NCAM1: variants seen among roughly 807,000 people sequenced by gnomAD.
The protein encoded by NCAM1 is antigen recognized by monoclonal antibody 5.1H11.
A neutral mutation model predicts 109.8 loss-of-function variants in NCAM1; 14 were observed. The observed-to-expected ratio is 0.13, with a 90% CI of 0.08 to 0.20. NCAM1 has a LOEUF of 0.20. Among genes scored for constraint, NCAM1 ranks in the 10% least tolerant of loss-of-function variants. The probability of loss-of-function intolerance (pLI) is 1.00; values close to 1 mark genes in which losing one functional copy is unlikely to be tolerated. For missense variants in NCAM1, 774 were observed against 1,109.9 expected, an observed-to-expected ratio of 0.70 and a Z score of 4.30; for synonymous variants, 418 against 442.9, an observed-to-expected ratio of 0.94 and a Z score of 0.70.
rs1014479573 is a variant in NCAM1 at position 112,961,857 on chromosome 11, G to T, written c.52+193G>T. ...CGCTCCCTCCAGGGCTGCGCTGCAC[G>T]GGGCTGCCTCCCCGAGCCGCCAGCG... On this transcript the variant is annotated intron_variant, in intron 1 of 19. Coordinates refer to ENST00000316851, the MANE Select transcript of NCAM1 (RefSeq NM_181351.5). Among the ~76,000 whole-genome samples the T allele has an allele frequency of 2.6e-5, 4 of 152,122 alleles. No homozygotes were observed. In the East Asian group the frequency reaches 7.8e-4, roughly 30 times the overall value.
chr11:112,972,880 G>A (rs1316719107), intron 1 of NCAM1, among the ~76,000 whole-genome samples: 1 of 152,008 alleles, frequency 6.6e-6, no homozygotes, highest in Non-Finnish European at 1.5e-5. Flanking sequence ...GCTAGTTTGG[G>A]TGACGGCCTC....
At chr11:113,256,906 G>T (rs1555122437) in intron 16 of NCAM1, among the ~76,000 whole-genome samples, 1 of 152,170 alleles carries the variant, frequency 6.6e-6, no homozygotes, top group African/African-American at 2.4e-5. Flanking sequence ...TCTTCACATA[G>T]CCCCAAGGAA....
chr11:112,988,854 T>A (rs999771410), intron 1 of NCAM1, among the ~76,000 whole-genome samples: 2 of 151,844 alleles, frequency 1.3e-5, no homozygotes, highest in South Asian at 4.2e-4. Context: ...TTCAAGTGAT[T>A]CTCATCCCTC....
intron 4 of NCAM1, among the ~76,000 whole-genome samples, 169 bp downstream of exon 4, chr11:113,205,835 T>A (rs1213562273): frequency 6.6e-6 from 1 of 152,198 alleles, no homozygotes; most frequent in African/African-American, 2.4e-5. Flanking sequence ...TATACTTAGG[T>A]ACCTGATTTT....
intron 1 of NCAM1, among the ~76,000 whole-genome samples, chr11:113,199,829 T>TGAAAAAAAAAAAAAAAAAAAAAA (rs60389510): frequency 2.6e-5 from 3 of 115,766 alleles, no homozygotes; most frequent in African/African-American, 6.8e-5. Flanking sequence ...GAAACACCCT[T>TGAAAAAAAAAAAAAAAAAAAAAA]AAAAAAAAAA....
Position 112,962,830 on chromosome 11 carries a change from G to A in NCAM1, c.52+1166G>A, listed in dbSNP as rs1367008415. Among the ~76,000 whole-genome samples, 1 of 152,104 alleles carries A rather than the reference G, an allele frequency of 6.6e-6. No homozygotes were observed. Among genetic ancestry groups the A allele is most frequent in the Admixed American group, 6.5e-5 (1 of 15,278 alleles). On this transcript the variant is annotated intron_variant, in intron 1 of 19. Coordinates refer to ENST00000316851, the MANE Select transcript of NCAM1 (RefSeq NM_181351.5). This position sits in a 1 kb window ranked among gnomAD's most constrained non-coding sequence, Gnocchi z 5.6. ...CGGGAGGGAAGGAAGAAAAGCAGGG[G>A]CCGCAGAGAGCTGGGTGGGTTGGGC...
At chr11:113,192,289 G>A (rs1036933905) in intron 1 of NCAM1, among the ~76,000 whole-genome samples, 16 of 152,182 alleles carry the variant, frequency 1.1e-4, no homozygotes, top group Non-Finnish European at 2.1e-4. Context: ...GATGGATTGT[G>A]CTTTGTTTAT....
chr11:112,987,372 C>G (rs1200936526), intron 1 of NCAM1, among the ~76,000 whole-genome samples: 1 of 152,030 alleles, frequency 6.6e-6, no homozygotes, highest in Non-Finnish European at 1.5e-5. Context: ...ATTCTGCTGC[C>G]GTTGAATGGA....
chr11:113,241,512 A>C (rs1945325195), intron 14 of NCAM1, among the ~76,000 whole-genome samples: 2 of 152,188 alleles, frequency 1.3e-5, no homozygotes, highest in African/African-American at 4.8e-5. Flanking sequence ...CATGTTTATC[A>C]TGCTCTGCTT....
At chr11:113,149,550 A>G (rs1845347616) in intron 1 of NCAM1, among the ~76,000 whole-genome samples, 2 of 152,220 alleles carry the variant, frequency 1.3e-5, no homozygotes, top group South Asian at 4.1e-4. Context: ...CAAGATTTAG[A>G]ACTGGGTGCC....
At chr11:113,094,629 T>C (rs1364401207) in intron 1 of NCAM1, among the ~76,000 whole-genome samples, 1 of 152,228 alleles carries the variant, frequency 6.6e-6, no homozygotes, top group African/African-American at 2.4e-5. Flanking sequence ...CACTTAGGGC[T>C]TGTAATTCGC....
At chr11:113,085,338 G>A (rs915343846) in intron 1 of NCAM1, among the ~76,000 whole-genome samples, 14 of 152,306 alleles carry the variant, frequency 9.2e-5, no homozygotes, top group African/African-American at 3.4e-4. Context: ...GTTATTATGA[G>A]CCTTGCTCAG....
Position 113,162,879 on chromosome 11 carries a change from A to G in NCAM1, c.53-39500A>G, listed in dbSNP as rs192195128. ...CACATATTCCGCATGGAAATTCGAA[A>G]TGGACGTTCAGTTCATTGCTTTGGC... On this transcript the variant is annotated intron_variant, in intron 1 of 19. Transcript: ENST00000316851. 2.6e-5 allele frequency among the ~76,000 whole-genome samples: 4 copies of G among 152,268 alleles called. No individual in the cohort carries two copies. In the East Asian group the frequency reaches 7.7e-4, roughly 29 times the overall value.
rs782796794 is a variant in NCAM1, at chr11:113,273,739, C to T, written c.2457-1528C>T. 4.5e-6 allele frequency: 2 copies of T among 442,890 alleles called. No homozygotes were observed. The highest frequency in any genetic ancestry group is 1.6e-5 in the South Asian group (1 of 63,086). The allele number at this position is 442,890 out of a possible 1,614,324, so 27.4% of individuals were successfully genotyped here. On this transcript the variant is annotated intron_variant, in intron 19 of 19. Coordinates refer to ENST00000316851, the MANE Select transcript of NCAM1 (RefSeq NM_181351.5). The surrounding 1 kb of genome is among the most constrained non-coding windows in gnomAD (Gnocchi z 6.0). ...GACAGCTCTGTTTCGCCTGCGCCAG[C>T]AAAGACCGAGTACGGCCTCTCTTTG...
chr11:113,237,374 A>T (rs187799374), intron 14 of NCAM1, among the ~76,000 whole-genome samples: 1 of 152,346 alleles, frequency 6.6e-6, no homozygotes, highest in East Asian at 1.9e-4. Flanking sequence ...ATTATTCAGA[A>T]ATATTGCAGC....
At position 112,964,187 on chromosome 11, in the gene NCAM1, A is replaced by G. The variant is rs73573289; in HGVS notation, c.52+2523A>G. ...TTTTGGACTCAAATGTAGCATGTCC[A>G]GGGCAGTGGTAACTGAGTTTGTGTG... On this transcript the variant is annotated intron_variant, in intron 1 of 19. Coordinates refer to ENST00000316851, the MANE Select transcript of NCAM1 (RefSeq NM_181351.5). Among the ~76,000 whole-genome samples the G allele has an allele frequency of 9.8e-3, 1,255 of 128,326 alleles. 16 individuals are homozygous for G. Among genetic ancestry groups the G allele is most frequent in the African/African-American group, 0.036 (1,186 of 32,784 alleles). 84.2% of individuals were successfully genotyped at this position (128,326 alleles called of 152,430 possible). A position where few individuals can be genotyped will look rare whatever the true frequency, so the allele number is the denominator to read the frequency against.
intron 15 of NCAM1, among the ~76,000 whole-genome samples, chr11:113,253,775 G>A (rs1296102131): frequency 3.3e-5 from 5 of 152,256 alleles, no homozygotes; most frequent in Non-Finnish European, 7.4e-5. Flanking sequence ...GGCTAGGGCA[G>A]GTAGACCATT....
chr11:112,989,994 A>G (rs1951414393), intron 1 of NCAM1, among the ~76,000 whole-genome samples: 1 of 152,110 alleles, frequency 6.6e-6, no homozygotes, highest in Admixed American at 6.6e-5. Flanking sequence ...CTTTTCTTCT[A>G]GTTTTAATGG....
intron 1 of NCAM1, among the ~76,000 whole-genome samples, chr11:113,187,541 C>CTG (rs112338209): frequency 0.041 from 5,804 of 142,280 alleles, 140 homozygotes; most frequent in Non-Finnish European, 0.058. Flanking sequence ...CACTGAGGAT[C>CTG]TGTGTGTGTG....
Sources: gnomAD v4.1 joint callset for allele counts (sites outside exome capture counted in the v4.1 genomes callset) on GRCh38, gnomAD v4.1.1 for gene constraint, Gnocchi (gnomAD v3.1) non-coding constraint, MANE v1.5 for transcripts, NCBI Gene and HGNC (gene_info 2026-07-23, HGNC 2026-07-21) for gene names.